The following EXOSC10 variants were observed in gnomAD, a reference collection of about 807,000 sequenced individuals.
EXOSC10 encodes the protein exosome component 10, also known as exosome complex component 10.
EXOSC10 carries 94 observed loss-of-function variants against 126.6 expected under a neutral mutation model. The ratio of observed to expected loss-of-function variants is 0.74; its 90% CI spans 0.63 to 0.88. The LOEUF is 0.88. EXOSC10 is among the 40% of genes least tolerant of loss of function. The pLI is 0.00. For missense variants in EXOSC10, 1,041 were observed against 1,100.5 expected, an observed-to-expected ratio of 0.95 and a Z score of 0.77; for synonymous variants, 395 against 400.8, an observed-to-expected ratio of 0.99 and a Z score of 0.17.
intron 1 of EXOSC10, among the ~76,000 whole-genome samples, chr1:11,099,019 G>C (rs775565677): frequency 2.0e-5 from 3 of 152,176 alleles, no homozygotes; most frequent in African/African-American, 2.4e-5. Flanking sequence ...CCATGTTAAT[G>C]AATCAATAGC....
chr1:11,089,222 T>TAAAAAAGAAAAAAAAAAA (rs1640662003), intron 6 of EXOSC10, among the ~76,000 whole-genome samples: 1 of 49,712 alleles, frequency 2.0e-5, no homozygotes, highest in African/African-American at 5.8e-5. Context: ...AGAGCAAAAC[T>TAAAAAAGAAAAAAAAAAA]AAAAAAAAAA....
chr1:11,067,123 C>A (rs898508787), intron 24 of EXOSC10, among the ~76,000 whole-genome samples: 1 of 152,056 alleles, frequency 6.6e-6, no homozygotes, highest in African/African-American at 2.4e-5. Context: ...ATGGCAAAAC[C>A]CCATCTCTAC....
At chr1:11,097,210 C>T (rs1389406801) in intron 2 of EXOSC10, among the ~76,000 whole-genome samples, 1 of 150,038 alleles carries the variant, frequency 6.7e-6, no homozygotes, top group South Asian at 2.1e-4. Context: ...ACTCCGTACT[C>T]CCCCCCAACA....
Position 11,081,106 on chromosome 1 carries a change from T to C in EXOSC10, c.1413A>G (p.Gln471=), listed in dbSNP as rs1391452316. 2 of 1,614,090 alleles carry C rather than the reference T, an allele frequency of 1.2e-6. No homozygotes were observed. The highest frequency in any genetic ancestry group is 1.3e-5 in the African/African-American group (1 of 74,944). The part of the protein sequence containing the change: ...GQPVQLQVVW[Q]RSRDICLKKF... ...CCTTGAGGCAGATGTCCCTGCTCCGTTGCCACACCACCTGCAGCTGCACCG... is the reference window on the plus strand; with the variant it reads ...CCTTGAGGCAGATGTCCCTGCTCCGCTGCCACACCACCTGCAGCTGCACCG... Residue 471 remains glutamine, a synonymous_variant, in exon 11 of 25, where the codon CAA becomes CAG. Transcript: ENST00000376936.
At chr1:11,089,391 A>G (rs979577454) in intron 6 of EXOSC10, among the ~76,000 whole-genome samples, 2 of 151,474 alleles carry the variant, frequency 1.3e-5, no homozygotes, top group Non-Finnish European at 2.9e-5. Context: ...GGGTGGATCA[A>G]CTGAAGTCAG....
intron 1 of EXOSC10, 93 bp downstream of exon 1, chr1:11,099,628 C>T (rs1641319678): frequency 1.4e-6 from 2 of 1,379,742 alleles, no homozygotes; most frequent in Non-Finnish European, 1.9e-6. Flanking sequence ...TCGGGCTCCA[C>T]TACGGCGGGC....
intron 8 of EXOSC10, 80 bp downstream of exon 8, chr1:11,087,720 T>C (rs1477989498): frequency 1.4e-6 from 2 of 1,469,802 alleles, no homozygotes; most frequent in African/African-American, 2.9e-5. Context: ...AAATTACAAT[T>C]AGTATTAATT....
At chr1:11,096,093 C>T (rs1045738375) in intron 2 of EXOSC10, among the ~76,000 whole-genome samples, 1 of 151,952 alleles carries the variant, frequency 6.6e-6, no homozygotes, top group Non-Finnish European at 1.5e-5. Flanking sequence ...AAGCGATTCT[C>T]GTGTCTCAGC....
At chr1:11,099,625 C>T (rs537847521) in intron 1 of EXOSC10, 96 bp downstream of exon 1, 1 of 1,361,334 alleles carries the variant, frequency 7.3e-7, no homozygotes, top group East Asian at 2.6e-5. Context: ...CGCTCGGGCT[C>T]CACTACGGCG....
chr1:11,090,141 G>A (rs1341721403), intron 6 of EXOSC10, among the ~76,000 whole-genome samples: 1 of 151,982 alleles, frequency 6.6e-6, no homozygotes, highest in African/African-American at 2.4e-5. Flanking sequence ...GGGATTACAG[G>A]CACACACCAC....
chr1:11,085,359 G>A (rs1215000352), intron 9 of EXOSC10, among the ~76,000 whole-genome samples: 3 of 152,160 alleles, frequency 2.0e-5, no homozygotes, highest in Non-Finnish European at 4.4e-5. Flanking sequence ...TTGTAAGGTG[G>A]ATTCCTAGGT....
At chr1:11,089,556 G>A (rs1268116298) in intron 6 of EXOSC10, among the ~76,000 whole-genome samples, 2 of 151,584 alleles carry the variant, frequency 1.3e-5, no homozygotes, top group African/African-American at 4.8e-5. Context: ...AGGAGGCAGA[G>A]GCTGCAGTCA....
intron 24 of EXOSC10, among the ~76,000 whole-genome samples, chr1:11,067,461 G>A (rs1557688491): frequency 2.1e-5 from 3 of 143,458 alleles, no homozygotes; most frequent in South Asian, 2.2e-4. Context: ...AACATTAGCC[G>A]GGCATGATGG....
At chr1:11,077,319 T>TA in intron 16 of EXOSC10, 46 bp downstream of exon 16, 1 of 1,573,426 alleles carries the variant, frequency 6.4e-7, no homozygotes, top group South Asian at 1.1e-5. Context: ...ACAAGGTAGC[T>TA]GTGTCCCAAC....
intron 6 of EXOSC10, among the ~76,000 whole-genome samples, chr1:11,089,459 A>G (rs542619151): frequency 6.6e-6 from 1 of 150,888 alleles, no homozygotes; most frequent in Admixed American, 6.6e-5. Context: ...AAAAAAAAAA[A>G]GATACAAAAT....
In EXOSC10 at chr1:11,087,860, A is replaced by G; in HGVS notation, c.885T>C (p.Asp295=). Residue 295 remains aspartate (D), a synonymous_variant, in exon 8 of 25, where the codon GAT becomes GAC. Coordinates refer to ENST00000376936, the MANE Select transcript of EXOSC10 (RefSeq NM_001001998.3). ...GCTTTTCGTTGAGTTCCACGAGTTC[A>G]TCCAGGGAGGATATGAAATGGCATG... ...ETPCHFISSL[D]ELVELNEKLL... 1.9e-6 allele frequency: 3 copies of G among 1,614,034 alleles called. No individual in the cohort carries two copies. The highest frequency in any genetic ancestry group is 2.5e-6 in the Non-Finnish European group (3 of 1,179,942).
chr1:11,078,347 T>A (rs796478462), intron 14 of EXOSC10, among the ~76,000 whole-genome samples: 1,792 of 150,180 alleles, frequency 0.012, 47 homozygotes, highest in African/African-American at 0.041. Flanking sequence ...AAGCTCCGCC[T>A]CCCGGGTTCA....
rs1640746466 is a variant in EXOSC10, at chr1:11,090,554, A to G, written c.758T>C (p.Met253Thr). 1 of 1,613,266 alleles carries G rather than the reference A, an allele frequency of 6.2e-7. No homozygotes were observed. The change falls in exon 6 of 25, where the codon ATG (methionine) becomes ACG (threonine). Residue 253 changes from methionine (M) to threonine (T), a missense_variant and splice_region_variant. Physicochemically the swap from Met to Thr is moderately conservative, Grantham distance 81. Transcript: ENST00000376936. ...AAGTCAGACACAGGCCAACACTTAC[A>G]TGTCTTGCTCAACCTGCTGGGTTCT... is the stretch of plus-strand genomic sequence containing the variant. ...QQRTQQVEQD[M>T]FAHPYQYELN...
intron 9 of EXOSC10, among the ~76,000 whole-genome samples, chr1:11,083,695 T>C (rs1640318816): frequency 6.6e-6 from 1 of 152,136 alleles, no homozygotes; most frequent in African/African-American, 2.4e-5. Context: ...GTTACATATG[T>C]ATACATGTGC....
Sources: allele counts gnomAD v4.1 joint callset (sites outside exome capture counted in the v4.1 genomes callset), GRCh38; gene constraint gnomAD v4.1.1; transcripts MANE v1.5; gene names NCBI Gene and HGNC (gene_info 2026-07-23, HGNC 2026-07-21).